The following XRCC3 variants were observed in gnomAD, a reference collection of about 807,000 sequenced individuals.
XRCC3 encodes X-ray repair cross complementing 3.
Under a neutral mutation model 29.2 loss-of-function variants are expected in XRCC3, and 34 were observed. The observed-to-expected ratio is 1.16, with a 90% confidence interval of 0.88 to 1.55. The LOEUF (loss-of-function observed/expected upper bound fraction) is 1.55, where lower values mean the gene tolerates loss of function less well. XRCC3 is among the 40% of genes most tolerant of loss of function. The pLI is 0.00. For missense variants in XRCC3, 463 were observed against 467.6 expected (o/e 0.99, Z 0.09); for synonymous variants, 223 against 211.3 (o/e 1.06, Z -0.48).
intron 7 of XRCC3, chr14:103,702,216 G>A (rs2083243165): frequency 6.6e-6 from 1 of 152,634 alleles, no homozygotes; most frequent in Non-Finnish European, 1.5e-5. Flanking sequence ...TCTCTGCAAG[G>A]CCCTGCCATA....
chr14:103,706,669 C>G (rs897498729), intron 6 of XRCC3: 4 of 420,836 alleles, frequency 9.5e-6, no homozygotes, highest in African/African-American at 8.1e-5. Context: ...CCCTGCGTTG[C>G]TGGCTCTGTG....
At position 103,712,949 on chromosome 14, in the gene XRCC3, T is replaced by G. The variant is rs1595679473; in HGVS notation, c.-317-18A>C. 1.3e-5 allele frequency: 2 copies of G among 152,502 alleles called. No individual in the cohort carries two copies. Among genetic ancestry groups the G allele is most frequent in the Non-Finnish European group, 1.5e-5 (1 of 68,116 alleles). The allele number at this position is 152,502 out of a possible 1,614,324, so 9.4% of individuals were successfully genotyped here. On this transcript the variant is annotated intron_variant, in intron 1 of 9. Coordinates refer to ENST00000555055, the MANE Select transcript of XRCC3 (RefSeq NM_005432.4). ...TGCACATCCTGCTGAGAACTTGGTT[T>G]AACAGGCCTGGCTCAAAGTCTGTTT...
At chr14:103,705,995 C>T in intron 6 of XRCC3, 1 of 243,740 alleles carries the variant, frequency 4.1e-6, no homozygotes, top group South Asian at 4.8e-5. Context: ...ATCCCCAAGA[C>T]CAGCCGCAGG....
At chr14:103,706,881 G>T in intron 6 of XRCC3, 122 bp downstream of exon 6, 1 of 1,111,716 alleles carries the variant, frequency 9.0e-7, no homozygotes, top group Non-Finnish European at 1.3e-6. Flanking sequence ...GTGAGAAGGA[G>T]GGAGACGCAA....
intron 6 of XRCC3, chr14:103,705,047 T>TG: frequency 6.6e-6 from 1 of 152,176 alleles, no homozygotes; most frequent in Admixed American, 6.5e-5. Context: ...TGACAGAATT[T>TG]CAAACGTAAA....
chr14:103,697,883 G>A lies in XRCC3; in HGVS notation c.*915C>T, dbSNP rs1420754017. 6.8e-6 allele frequency: 1 copy of A among 147,168 alleles called. No individual in the cohort carries two copies. The highest frequency in any genetic ancestry group is 2.0e-4 in the East Asian group (1 of 4,976). The allele number at this position is 147,168 out of a possible 1,614,324, so 9.1% of individuals were successfully genotyped here. On this transcript the variant is annotated 3_prime_UTR_variant, in exon 10 of 10. Transcript: ENST00000555055. ...TGCACAGTGTGGGACTGCAGGACAG[G>A]GTCCTGCAGGTGGCCCTGCCAGGAG...
intron 6 of XRCC3, chr14:103,705,491 C>T (rs1349869102): frequency 6.6e-6 from 1 of 152,290 alleles, no homozygotes; most frequent in Non-Finnish European, 1.5e-5. Flanking sequence ...GAGTCGGAAT[C>T]ACTTCAGAGC....
intron 7 of XRCC3, 44 bp from the exon 8 acceptor site, chr14:103,699,620 C>T (rs1187394907): frequency 1.6e-5 from 26 of 1,601,844 alleles, no homozygotes; most frequent in South Asian, 4.4e-5. Context: ...AGCAAGTCCC[C>T]GCCCCAGGTG....
intron 4 of XRCC3, chr14:103,710,783 C>A: frequency 3.9e-6 from 2 of 508,050 alleles, no homozygotes; most frequent in Non-Finnish European, 7.0e-6. Flanking sequence ...CTCCATTTTA[C>A]CTTTTAGACA....
chr14:103,700,667 C>T (rs757297093), intron 7 of XRCC3: 22 of 1,607,236 alleles, frequency 1.4e-5, no homozygotes, highest in African/African-American at 5.4e-5. Context: ...CGTCTCTGGC[C>T]GAGCCTCTTT....
rs1250573832 is a variant in XRCC3, at chr14:103,707,199, C to T, written c.210G>A (p.Gln70=). The change falls in exon 6 of 10, where the codon CAG becomes CAA. Residue 70 remains glutamine, a synonymous_variant. Transcript: ENST00000555055. ...GCTGCGTGGGGAACCGCTCCTTCTG[C>T]TGGTGCAGCTGCAGTGCTAAAGGGC... is the stretch of plus-strand genomic sequence containing the variant. The part of the protein sequence containing the change: ...SSILTALQLH[Q]QKERFPTQHQ... 1 of 1,548,824 alleles carries T rather than the reference C, an allele frequency of 6.5e-7. No homozygotes were observed. The highest frequency in any genetic ancestry group is 8.7e-7 in the Non-Finnish European group (1 of 1,146,666).
At position 103,703,186 on chromosome 14, in the gene XRCC3, T is replaced by C; in HGVS notation, c.548A>G (p.His183Arg). The part of the protein sequence containing the change: ...LRFGSQIFIE[H>R]VADVDTLLEC... ...TCCCACACTCACCACATCGGCCACG[T>C]GCTCGATGAAGATCTGGCTGCCAAA... is the stretch of plus-strand genomic sequence containing the variant. The change falls in exon 7 of 10, where the codon CAC (histidine) becomes CGC (arginine). Residue 183 changes from histidine (H) to arginine (R), a missense_variant. Coordinates refer to ENST00000555055, the MANE Select transcript of XRCC3 (RefSeq NM_005432.4). 6.4e-7 allele frequency: 1 copy of C among 1,572,022 alleles called. No individual in the cohort carries two copies. The highest frequency in any genetic ancestry group is 8.6e-7 in the Non-Finnish European group (1 of 1,158,316).
chr14:103,707,259 C>G (rs764678097), intron 5 of XRCC3, 44 bp from the exon 6 acceptor site: 1 of 1,545,406 alleles, frequency 6.5e-7, no homozygotes, highest in Non-Finnish European at 8.7e-7. Context: ...CCTGGGCCTG[C>G]GGGCAGGGCT....
chr14:103,703,436 C>G, intron 6 of XRCC3, 109 bp from the exon 7 acceptor site: 1 of 1,323,874 alleles, frequency 7.6e-7, no homozygotes. Flanking sequence ...CTGCCCCTCA[C>G]AGGTTCTTTG....
At position 103,698,540 on chromosome 14, in the gene XRCC3, CAG is replaced by C. The variant is rs2082772102; in HGVS notation, c.*256_*257del. The C allele has an allele frequency of 1.9e-6, 1 of 540,014 alleles. No homozygotes were observed. Among genetic ancestry groups the C allele is most frequent in the Non-Finnish European group, 3.4e-6 (1 of 298,188 alleles). 33.5% of individuals were successfully genotyped at this position (540,014 alleles called of 1,614,324 possible). ...CTGAGAATCACCTCTCCCCAAGGGC[CAG>C]CTCAGCAGTGGGGACCAGGTACCCA... On this transcript the variant is annotated 3_prime_UTR_variant, in exon 10 of 10. Coordinates refer to ENST00000555055, the MANE Select transcript of XRCC3 (RefSeq NM_005432.4).
intron 6 of XRCC3, chr14:103,706,395 G>C (rs1417022638): frequency 2.2e-6 from 1 of 455,996 alleles, no homozygotes. Context: ...TGGAGTTTAA[G>C]ACAACGTGGG....
At chr14:103,707,812 G>A (rs2083490298) in intron 5 of XRCC3, 2 of 189,300 alleles carry the variant, frequency 1.1e-5, no homozygotes, top group Admixed American at 1.1e-4. Context: ...CTCTTGGCCT[G>A]GGGCCTGGGC....
At chr14:103,699,788 G>A (rs1410110336) in intron 7 of XRCC3, 8 of 611,698 alleles carry the variant, frequency 1.3e-5, no homozygotes, top group Middle Eastern at 4.4e-4. Flanking sequence ...CACACAACTG[G>A]TTCCCTTGGC....
In XRCC3 at chr14:103,703,210, A is replaced by G. The variant is rs1419229375; in HGVS notation, c.524T>C (p.Phe175Ser). Residue 175 changes from phenylalanine (F) to serine (S), a missense_variant, in exon 7 of 10, where the codon TTT becomes TCT. Transcript: ENST00000555055. ...GTGCTCGATGAAGATCTGGCTGCCA[A>G]ATCGGAGCTTCTGAAGCAGCTCTCC... is the stretch of plus-strand genomic sequence containing the variant. ...VPGELLQKLR[F>S]GSQIFIEHVA... The G allele has an allele frequency of 1.3e-6, 2 of 1,570,590 alleles. No individual in the cohort carries two copies.
Sources: allele counts gnomAD v4.1 joint callset, GRCh38; gene constraint gnomAD v4.1.1; transcripts MANE v1.5; gene names NCBI Gene and HGNC (gene_info 2026-07-23, HGNC 2026-07-21).